The following MDGA2 variants were observed in gnomAD, a reference collection of about 807,000 sequenced individuals.
MDGA2 encodes MAM domain-containing glycosylphosphatidylinositol anchor protein 2.
A neutral mutation model predicts 117.8 loss-of-function variants in MDGA2; 40 were observed. The observed-to-expected ratio is 0.34, with a 90% CI of 0.26 to 0.44. The LOEUF is 0.44. Among genes scored for constraint, MDGA2 ranks in the 20% least tolerant of loss-of-function variants. The pLI, the probability that MDGA2 is intolerant of heterozygous loss-of-function variation, is 1.00. For synonymous variants in MDGA2, 452 were observed against 439.0 expected (o/e 1.03, Z -0.37); for missense variants, 1,123 against 1,250.6 (o/e 0.90, Z 1.54).
chr14:47,459,664 T>C (rs745763006), intron 1 of MDGA2, among the ~76,000 whole-genome samples: 13 of 152,056 alleles, frequency 8.5e-5, no homozygotes, highest in Non-Finnish European at 1.8e-4. Context: ...TGTAACAGGA[T>C]ATATTAAACT....
intron 1 of MDGA2, among the ~76,000 whole-genome samples, chr14:47,558,608 G>A (rs1346033421): frequency 6.6e-6 from 1 of 152,174 alleles, no homozygotes; most frequent in African/African-American, 2.4e-5. Context: ...CTTTCAGGGA[G>A]AGCACACGTG....
chr14:47,563,511 A>G (rs1895853703), intron 1 of MDGA2, among the ~76,000 whole-genome samples: 1 of 150,218 alleles, frequency 6.7e-6, no homozygotes, highest in Non-Finnish European at 1.5e-5. Context: ...CTTCACCTTT[A>G]AAAAAATTTT....
chr14:47,097,282 G>T (rs911802779), intron 5 of MDGA2, among the ~76,000 whole-genome samples, 159 bp from the exon 6 acceptor site: 3 of 151,892 alleles, frequency 2.0e-5, no homozygotes, highest in African/African-American at 7.3e-5. Context: ...AAGATTTAAT[G>T]GTTTCATATT....
At chr14:47,070,330 T>C (rs1890235928) in intron 6 of MDGA2, among the ~76,000 whole-genome samples, 1 of 152,042 alleles carries the variant, frequency 6.6e-6, no homozygotes, top group African/African-American at 2.4e-5. Flanking sequence ...AACTTGAAAA[T>C]TTAGAGAAAT....
chr14:47,663,497 C>T (rs1897887983), intron 1 of MDGA2, among the ~76,000 whole-genome samples: 1 of 152,160 alleles, frequency 6.6e-6, no homozygotes, highest in Non-Finnish European at 1.5e-5. Context: ...AAGTGGACTA[C>T]CTTCCGCCCT....
chr14:46,909,085 A>C (rs10141312), intron 10 of MDGA2, among the ~76,000 whole-genome samples: 3,756 of 152,250 alleles, frequency 0.025, 154 homozygotes, highest in African/African-American at 0.085. Context: ...CTACTCTACC[A>C]AACTATACGC....
At chr14:47,350,569 G>A (rs1890855695) in intron 1 of MDGA2, among the ~76,000 whole-genome samples, 1 of 151,720 alleles carries the variant, frequency 6.6e-6, no homozygotes, top group Non-Finnish European at 1.5e-5. Flanking sequence ...GTGTGTGTGT[G>A]CACGCGTGTG....
At chr14:46,948,179 T>C (rs1458382020) in intron 9 of MDGA2, among the ~76,000 whole-genome samples, 2 of 152,078 alleles carry the variant, frequency 1.3e-5, no homozygotes, top group Non-Finnish European at 2.9e-5. Context: ...GAGGATGAAA[T>C]TTTATGTATT....
At chr14:47,606,406 G>GT (rs1173313984) in intron 1 of MDGA2, among the ~76,000 whole-genome samples, 6 of 152,224 alleles carry the variant, frequency 3.9e-5, no homozygotes, top group Admixed American at 2.6e-4. Context: ...TTTTTAAATT[G>GT]TATCTATTGT....
In MDGA2 at chr14:47,059,017, TAA is replaced by T. The variant is rs1057465389; in HGVS notation, c.1525+2230_1525+2231del. 9 of 1,001,034 alleles carry T rather than the reference TAA, an allele frequency of 9.0e-6. No homozygotes were observed. In the Admixed American group the frequency reaches 2.4e-4, roughly 26 times the overall value. 62.0% of individuals were successfully genotyped at this position (1,001,034 alleles called of 1,614,324 possible). A position where few individuals can be genotyped will look rare whatever the true frequency, so the allele number is the denominator to read the frequency against. On this transcript the variant is annotated intron_variant, in intron 7 of 16. Transcript: ENST00000399232. ...CCTGTCTTTGGGAGTGATAAAACAT[TAA>T]GTCACTATAAATTTGTCTATCAAAT...
chr14:47,639,605 G>A (rs1041258609), intron 1 of MDGA2, among the ~76,000 whole-genome samples: 3 of 152,006 alleles, frequency 2.0e-5, no homozygotes, highest in Non-Finnish European at 4.4e-5. Context: ...TAACCTCTTA[G>A]ATTTCAAATA....
rs1180349988 is a variant in MDGA2, at chr14:47,505,321, T to G, written c.280+169196A>C. The stretch of plus-strand genomic sequence containing the variant: ...TATGACTAAGATTAGCAGTAAAATG[T>G]TGTATATTACAGAATAGCTAGAAAA... On this transcript the variant is annotated intron_variant, in intron 1 of 16. Coordinates refer to ENST00000399232, the MANE Select transcript of MDGA2 (RefSeq NM_001113498.3). Among the ~76,000 whole-genome samples, 6 of 152,154 alleles carry G rather than the reference T, an allele frequency of 3.9e-5. No individual in the cohort carries two copies. In the South Asian group the frequency reaches 6.2e-4, roughly 16 times the overall value.
intron 1 of MDGA2, among the ~76,000 whole-genome samples, chr14:47,589,586 T>C (rs541627818): frequency 6.6e-6 from 1 of 152,128 alleles, no homozygotes; most frequent in African/African-American, 2.4e-5. Context: ...TAAGTTTTTA[T>C]ATCAGGTCAC....
intron 1 of MDGA2, among the ~76,000 whole-genome samples, chr14:47,599,309 T>C (rs1298311434): frequency 6.8e-6 from 1 of 146,924 alleles, no homozygotes; most frequent in Non-Finnish European, 1.5e-5. Context: ...CTAAGACAAA[T>C]GCTGTTTTTT....
At chr14:47,602,346 T>G (rs1397805368) in intron 1 of MDGA2, among the ~76,000 whole-genome samples, 1 of 152,064 alleles carries the variant, frequency 6.6e-6, no homozygotes, top group Non-Finnish European at 1.5e-5. Context: ...TGCTTCCAGA[T>G]CATGGTGAGC....
At chr14:47,362,560 A>G (rs1474367495) in intron 1 of MDGA2, among the ~76,000 whole-genome samples, 2 of 152,146 alleles carry the variant, frequency 1.3e-5, no homozygotes, top group African/African-American at 2.4e-5. Context: ...TGCCTTATAT[A>G]TATTTTCACC....
intron 2 of MDGA2, among the ~76,000 whole-genome samples, chr14:47,285,780 T>C (rs998872447): frequency 6.6e-6 from 1 of 152,138 alleles, no homozygotes; most frequent in Admixed American, 6.6e-5. Context: ...GATTTCCTTA[T>C]TAAATGCTTA....
chr14:47,301,316 C>T, intron 2 of MDGA2, 95 bp downstream of exon 2: 1 of 1,210,974 alleles, frequency 8.3e-7, no homozygotes. Flanking sequence ...CACACACACA[C>T]ACACAGTTTT....
chr14:47,139,705 T>C (rs1260453728), intron 4 of MDGA2, among the ~76,000 whole-genome samples: 4 of 150,652 alleles, frequency 2.7e-5, no homozygotes, highest in Admixed American at 6.7e-5. Flanking sequence ...TGGGAAACAG[T>C]AGTTCAAGAA....
Sources: allele counts gnomAD v4.1 joint callset (sites outside exome capture counted in the v4.1 genomes callset), GRCh38; gene constraint gnomAD v4.1.1; transcripts MANE v1.5; gene names NCBI Gene and HGNC (gene_info 2026-07-23, HGNC 2026-07-21).